Variants in ARHGAP29 observed in about 807,000 individuals in gnomAD.
ARHGAP29 encodes Rho GTPase activating protein 29.
A neutral mutation model predicts 122.6 loss-of-function variants in ARHGAP29; 43 were observed. That is an observed-to-expected ratio of 0.35 (90% CI 0.27 to 0.45). The LOEUF is 0.45. ARHGAP29 is among the 20% of genes least tolerant of loss of function. The pLI is 1.00. For missense variants in ARHGAP29, 1,303 were observed against 1,477.2 expected, an observed-to-expected ratio of 0.88 and a Z score of 1.93; for synonymous variants, 506 against 497.1, an observed-to-expected ratio of 1.02 and a Z score of -0.24.
intron 1 of ARHGAP29, among the ~76,000 whole-genome samples, chr1:94,270,571 A>G (rs1654950152): frequency 1.3e-5 from 2 of 152,190 alleles, no homozygotes; most frequent in Non-Finnish European, 2.9e-5. Flanking sequence ...AGGGCCAAGT[A>G]AATTTCATGA....
At chr1:94,281,888 T>C in the ARHGAP29 span, among the ~76,000 whole-genome samples, 1 of 152,160 alleles carries the variant, frequency 6.6e-6, no homozygotes, top group Non-Finnish European at 1.5e-5. Flanking sequence ...ATGATGGACA[T>C]GCAATCACTG....
the ARHGAP29 span, among the ~76,000 whole-genome samples, chr1:94,296,347 A>C: frequency 6.6e-6 from 1 of 152,188 alleles, no homozygotes; most frequent in East Asian, 1.9e-4. Context: ...ATTTCACTTA[A>C]TAATGGCACC....
chr1:94,210,699 C>T (rs1443430562), intron 3 of ARHGAP29, among the ~76,000 whole-genome samples: 1 of 152,094 alleles, frequency 6.6e-6, no homozygotes, highest in Non-Finnish European at 1.5e-5. Flanking sequence ...GATGGAGAAA[C>T]AGATTATACT....
At chr1:94,244,681 C>A (rs1231071569) in intron 1 of ARHGAP29, among the ~76,000 whole-genome samples, 1 of 152,034 alleles carries the variant, frequency 6.6e-6, no homozygotes, top group African/African-American at 2.4e-5. Flanking sequence ...TAAGCTACTA[C>A]ATCTAATAAA....
At chr1:94,247,831 G>T in intron 1 of ARHGAP29, 1 of 216,990 alleles carries the variant, frequency 4.6e-6, no homozygotes, top group Non-Finnish European at 7.9e-6. Context: ...GGCGGGGTCG[G>T]CGACCGCGGC....
At chr1:94,293,814 C>A in the ARHGAP29 span, among the ~76,000 whole-genome samples, 1 of 152,198 alleles carries the variant, frequency 6.6e-6, no homozygotes, top group Non-Finnish European at 1.5e-5. Context: ...AGCTTCCAAA[C>A]TTAGTCCTCC....
intron 20 of ARHGAP29, 44 bp from the exon 21 acceptor site, chr1:94,178,211 G>A: frequency 6.4e-7 from 1 of 1,554,028 alleles, no homozygotes; most frequent in Non-Finnish European, 8.7e-7. Context: ...TTTCCTATTA[G>A]AGTTCCTTGA....
At chr1:94,231,940 C>T (rs1408173503) in intron 1 of ARHGAP29, among the ~76,000 whole-genome samples, 1 of 152,030 alleles carries the variant, frequency 6.6e-6, no homozygotes, top group Non-Finnish European at 1.5e-5. Context: ...TTGCCTTAAG[C>T]TCTCAACTGA....
chr1:94,201,650 G>A, intron 12 of ARHGAP29, 70 bp downstream of exon 12: 1 of 1,583,500 alleles, frequency 6.3e-7, no homozygotes. Flanking sequence ...TGGGATTACA[G>A]GTGTGAGCCA....
At chr1:94,246,194 G>A (rs115449695) in intron 1 of ARHGAP29, among the ~76,000 whole-genome samples, 2,445 of 152,280 alleles carry the variant, frequency 0.016, 27 homozygotes, top group Non-Finnish European at 0.022. Flanking sequence ...AAGCATCAGG[G>A]TTGCTTACTT....
intron 11 of ARHGAP29, 53 bp downstream of exon 11, chr1:94,202,491 C>A: frequency 6.3e-7 from 1 of 1,599,556 alleles, no homozygotes; most frequent in South Asian, 1.1e-5. Flanking sequence ...CACCAAACTC[C>A]TGGCAGATTA....
Position 94,179,793 on chromosome 1 carries a change from T to A in ARHGAP29, c.2412A>T (p.Lys804Asn), listed in dbSNP as rs1311141761. 6.2e-7 allele frequency: 1 copy of A among 1,613,654 alleles called. No individual in the cohort carries two copies. ...IEINRILLKS[K>N]DLLRQLPASN... ...ATGCTGGCAATTGTCTTAGAAGGTC[T>A]TTGCTTTTTAGAAGAATTCGGTTTA... The change falls in exon 20 of 23, where the codon AAA becomes AAT. Residue 804 changes from lysine to asparagine, a missense_variant. This residue lies in a region of ARHGAP29 where 620 missense variants were observed against 651.2 expected (regional missense o/e 0.95). Transcript: ENST00000260526.
intron 2 of ARHGAP29, among the ~76,000 whole-genome samples, chr1:94,224,817 T>C (rs1652521401): frequency 1.3e-5 from 2 of 152,124 alleles, no homozygotes; most frequent in African/African-American, 4.8e-5. Context: ...TTGCAATTCC[T>C]TTTTTTCCTA....
At chr1:94,274,604 T>C (rs551578311) in intron 1 of ARHGAP29, among the ~76,000 whole-genome samples, 3 of 152,314 alleles carry the variant, frequency 2.0e-5, no homozygotes, top group East Asian at 1.9e-4. Flanking sequence ...TAGAGAGTTA[T>C]TGTTTCCATA....
At chr1:94,203,781 T>C in intron 8 of ARHGAP29, 149 bp downstream of exon 8, 1 of 646,164 alleles carries the variant, frequency 1.5e-6, no homozygotes. Context: ...ATAATGGACA[T>C]CCATCTAAAC....
chr1:94,313,213 G>T, the ARHGAP29 span, among the ~76,000 whole-genome samples: 1 of 152,078 alleles, frequency 6.6e-6, no homozygotes, highest in South Asian at 2.1e-4. Context: ...CAAGGCCTTT[G>T]TACTCTCTGC....
Position 94,202,535 on chromosome 1 carries a change from G to T in ARHGAP29, c.1143+9C>A, listed in dbSNP as rs376537913. 21 of 1,612,502 alleles carry T rather than the reference G, an allele frequency of 1.3e-5. No individual in the cohort carries two copies. Among genetic ancestry groups the T allele is most frequent in the Non-Finnish European group, 3.4e-6 (4 of 1,179,716 alleles). ...TCAACTTGCAAATAAAAAAGAAAAA[G>T]ATCGTTACTTTTTGGAGAGCCTCCT... On this transcript the variant is annotated intron_variant, in intron 11 of 22. Coordinates refer to ENST00000260526, the MANE Select transcript of ARHGAP29 (RefSeq NM_004815.4).
At chr1:94,223,437 A>G (rs1423971526) in intron 2 of ARHGAP29, among the ~76,000 whole-genome samples, 2 of 152,118 alleles carry the variant, frequency 1.3e-5, no homozygotes, top group East Asian at 3.9e-4. Context: ...AAAAAAAAAG[A>G]TAAGGTAGCT....
chr1:94,294,366 C>CTTTGTTG, the ARHGAP29 span, among the ~76,000 whole-genome samples: 1 of 151,928 alleles, frequency 6.6e-6, no homozygotes, highest in Admixed American at 6.6e-5. Context: ...GGCTGGAGTG[C>CTTTGTTG]CATTGTGGCC....
Sources: gnomAD v4.1 joint callset for allele counts (sites outside exome capture counted in the v4.1 genomes callset) on GRCh38, gnomAD v4.1.1 for gene constraint, gnomAD v4.1.1 regional missense constraint, MANE v1.5 for transcripts, NCBI Gene and HGNC (gene_info 2026-07-23, HGNC 2026-07-21) for gene names.